Variants in ARL17A observed in about 807,000 individuals in gnomAD.
ARL17A encodes ADP-ribosylation factor-like 17-like.
At chr17:46,502,670 A>G in the ARL17A span, among the ~76,000 whole-genome samples, 1 of 151,278 alleles carries the variant, frequency 6.6e-6, no homozygotes, top group Non-Finnish European at 1.5e-5. Flanking sequence ...TAAATACAGA[A>G]AAGAGAATAA....
At chr17:46,542,814 T>C (rs1477490812) in intron 3 of ARL17A, among the ~76,000 whole-genome samples, 1 of 150,646 alleles carries the variant, frequency 6.6e-6, no homozygotes, top group Non-Finnish European at 1.5e-5. Flanking sequence ...GCCCCCACAA[T>C]ATGGCAAGCT....
At chr17:46,525,292 TC>T (rs2052546504), downstream of ARL17A, among the ~76,000 whole-genome samples, 1 of 85,288 alleles carries the variant, frequency 1.2e-5, no homozygotes, top group Admixed American at 1.1e-4. Flanking sequence ...CAACTGGGAG[TC>T]CCTCATAAAA....
intron 4 of ARL17A, among the ~76,000 whole-genome samples, chr17:46,536,861 G>C (rs2054609028): frequency 9.5e-5 from 1 of 10,494 alleles, no homozygotes; most frequent in Non-Finnish European, 1.5e-4. Context: ...CTGAGAATAA[G>C]GCTTTGAAGG....
chr17:46,534,727 G>A (rs2054334046), intron 4 of ARL17A, among the ~76,000 whole-genome samples: 1 of 150,098 alleles, frequency 6.7e-6, no homozygotes, highest in Admixed American at 6.6e-5. Context: ...TCCCAGACGG[G>A]GTGGCGGCCG....
the ARL17A span, among the ~76,000 whole-genome samples, chr17:46,503,224 AAAT>A: frequency 7.6e-6 from 1 of 131,568 alleles, no homozygotes. Flanking sequence ...AAAAAAAAAA[AAAT>A]AGTCTTCATT....
downstream of ARL17A, chr17:46,549,375 C>G (rs1167241272): frequency 6.4e-7 from 1 of 1,556,810 alleles, no homozygotes; most frequent in South Asian, 1.2e-5. Context: ...CAGAAGGAAC[C>G]ATCTCTGAAA....
chr17:46,520,871 T>G (rs1193734434), intron 3 of ARL17A, among the ~76,000 whole-genome samples: 1 of 70,030 alleles, frequency 1.4e-5, no homozygotes, highest in Non-Finnish European at 3.7e-5. Flanking sequence ...TGAACATCAT[T>G]AATCCAGAAT....
chr17:46,522,582 C>G (rs1307339655), intron 3 of ARL17A, among the ~76,000 whole-genome samples: 1 of 61,940 alleles, frequency 1.6e-5, no homozygotes, highest in Non-Finnish European at 3.0e-5. Context: ...GCAGCTAGGA[C>G]TACAGGCACG....
At chr17:46,501,701 T>G in the ARL17A span, among the ~76,000 whole-genome samples, 12 of 151,268 alleles carry the variant, frequency 7.9e-5, 1 homozygote, top group Admixed American at 2.6e-4. Flanking sequence ...AGCCACAGAA[T>G]GATATCTCAT....
chr17:46,502,406 A>T, the ARL17A span, among the ~76,000 whole-genome samples: 1 of 150,988 alleles, frequency 6.6e-6, no homozygotes, highest in Non-Finnish European at 1.5e-5. Flanking sequence ...TGCCTCCCAG[A>T]TTCTCCTGTC....
intron 4 of ARL17A, among the ~76,000 whole-genome samples, chr17:46,535,180 C>A (rs1248721379): frequency 6.7e-6 from 1 of 149,360 alleles, no homozygotes; most frequent in South Asian, 2.1e-4. Context: ...CAGGTGTGAG[C>A]AACCATGTCC....
chr17:46,525,597 AATAAT>A (rs1174786442), downstream of ARL17A, among the ~76,000 whole-genome samples: 372 of 73,108 alleles, frequency 5.1e-3, 4 homozygotes, highest in African/African-American at 0.017. Context: ...AAATAATAAT[AATAAT>A]ATAATAATAA....
At chr17:46,529,648 A>G (rs2053368894) in intron 4 of ARL17A, among the ~76,000 whole-genome samples, 2 of 73,496 alleles carry the variant, frequency 2.7e-5, no homozygotes. Context: ...AATCTCTACA[A>G]AAAGACTTTT....
chr17:46,541,875 G>A (rs1369875161), intron 3 of ARL17A, among the ~76,000 whole-genome samples: 20 of 150,118 alleles, frequency 1.3e-4, no homozygotes, highest in African/African-American at 4.8e-4. Flanking sequence ...GGGTCCTGGA[G>A]CCAATCCCCT....
At chr17:46,533,737 A>G (rs1361815163) in intron 4 of ARL17A, among the ~76,000 whole-genome samples, 1 of 88,696 alleles carries the variant, frequency 1.1e-5, no homozygotes, top group Admixed American at 1.1e-4. Flanking sequence ...CTTGACCTCA[A>G]GTGATCCTCC....
chr17:46,502,858 A>G, the ARL17A span, among the ~76,000 whole-genome samples: 1 of 150,828 alleles, frequency 6.6e-6, no homozygotes, highest in Non-Finnish European at 1.5e-5. Flanking sequence ...AGATGTTCCG[A>G]AAGTCTCCAC....
chr17:46,543,482 T>A (rs1456294320), intron 3 of ARL17A, among the ~76,000 whole-genome samples: 1 of 150,954 alleles, frequency 6.6e-6, no homozygotes, highest in East Asian at 1.9e-4. Context: ...GGGACAATTG[T>A]GAAAATGTGT....
chr17:46,541,736 A>C (rs2055359498), intron 3 of ARL17A, among the ~76,000 whole-genome samples: 1 of 150,890 alleles, frequency 6.6e-6, no homozygotes, highest in Admixed American at 6.6e-5. Context: ...GAAAATTTAA[A>C]ATACAGTATA....
At chr17:46,572,898 A>G (rs2057682107) in intron 2 of ARL17A, among the ~76,000 whole-genome samples, 1 of 51,750 alleles carries the variant, frequency 1.9e-5, no homozygotes, top group African/African-American at 6.1e-5. Flanking sequence ...AAAGAAAGAA[A>G]AGAGGAAGAG....
Sources: gnomAD v4.1 joint callset for allele counts (sites outside exome capture counted in the v4.1 genomes callset) on GRCh38, gnomAD v4.1.1 for gene constraint, MANE v1.5 for transcripts, NCBI Gene and HGNC (gene_info 2026-07-23, HGNC 2026-07-21) for gene names.